PLCB1: variants seen among roughly 807,000 people sequenced by gnomAD.
PLCB1 encodes the protein 1-phosphatidylinositol 4,5-bisphosphate phosphodiesterase beta-1.
A neutral mutation model predicts 161.8 loss-of-function variants in PLCB1; 46 were observed. That is an observed-to-expected ratio of 0.28 (90% CI 0.22 to 0.36). The LOEUF (loss-of-function observed/expected upper bound fraction) is 0.36, where lower values mean the gene tolerates loss of function less well. PLCB1 is among the 10% of genes least tolerant of loss of function. The pLI is 1.00. For missense variants in PLCB1, 1,016 were observed against 1,472.5 expected, an observed-to-expected ratio of 0.69 and a Z score of 5.07; for synonymous variants, 517 against 503.7, an observed-to-expected ratio of 1.03 and a Z score of -0.35.
chr20:8,161,347 C>T (rs1041675887), intron 2 of PLCB1, among the ~76,000 whole-genome samples: 15 of 152,218 alleles, frequency 9.9e-5, no homozygotes, highest in East Asian at 9.7e-4. Context: ...TATGCAATTT[C>T]GTCATTTCCA....
At chr20:8,294,742 A>T (rs1343107511) in intron 2 of PLCB1, among the ~76,000 whole-genome samples, 5 of 151,628 alleles carry the variant, frequency 3.3e-5, no homozygotes, top group Non-Finnish European at 7.4e-5. Context: ...AATCCTGTAC[A>T]ATTAGACATT....
At chr20:8,234,296 G>C (rs1325792125) in intron 2 of PLCB1, among the ~76,000 whole-genome samples, 1 of 152,070 alleles carries the variant, frequency 6.6e-6, no homozygotes, top group Non-Finnish European at 1.5e-5. Flanking sequence ...GAAGGTTAAA[G>C]TAATAATAAT....
chr20:8,218,917 G>A (rs1380595292), intron 2 of PLCB1, among the ~76,000 whole-genome samples: 1 of 152,116 alleles, frequency 6.6e-6, no homozygotes, highest in Non-Finnish European at 1.5e-5. Flanking sequence ...AGGTGTGTCA[G>A]TGTTTTATTG....
chr20:8,804,638 T>C (rs533607274), intron 31 of PLCB1, among the ~76,000 whole-genome samples: 1 of 152,288 alleles, frequency 6.6e-6, no homozygotes, highest in African/African-American at 2.4e-5. Flanking sequence ...TTCTTGTTCT[T>C]TCCTTAAACA....
chr20:8,683,277 GA>G (rs1290067202), intron 9 of PLCB1, among the ~76,000 whole-genome samples: 2 of 151,854 alleles, frequency 1.3e-5, no homozygotes, highest in African/African-American at 4.8e-5. Context: ...AGTTATCTCT[GA>G]AAGAAAAGTT....
At chr20:8,689,454 C>T (rs1368933997) in intron 10 of PLCB1, among the ~76,000 whole-genome samples, 1 of 152,062 alleles carries the variant, frequency 6.6e-6, no homozygotes, top group Non-Finnish European at 1.5e-5. Context: ...AGCTTTTCCC[C>T]ATTCAGTATT....
At chr20:8,446,295 C>G (rs1403010623) in intron 3 of PLCB1, among the ~76,000 whole-genome samples, 2 of 152,062 alleles carry the variant, frequency 1.3e-5, no homozygotes, top group Non-Finnish European at 2.9e-5. Context: ...TAAACAGAAC[C>G]AAAGACAAAA....
chr20:8,672,077 G>T (rs545440597), intron 9 of PLCB1, among the ~76,000 whole-genome samples: 148 of 152,292 alleles, frequency 9.7e-4, no homozygotes, highest in Middle Eastern at 3.4e-3. Flanking sequence ...AAGCAGCATA[G>T]CATCATGTTT....
intron 2 of PLCB1, among the ~76,000 whole-genome samples, chr20:8,337,423 G>GT (rs1392410265): frequency 1.3e-5 from 2 of 152,062 alleles, no homozygotes; most frequent in Admixed American, 6.5e-5. Context: ...CAAAATGTGA[G>GT]TTTTTATTTT....
At chr20:8,345,698 G>A (rs951306580) in intron 2 of PLCB1, among the ~76,000 whole-genome samples, 1 of 152,182 alleles carries the variant, frequency 6.6e-6, no homozygotes, top group African/African-American at 2.4e-5. Context: ...AGGGCAAGGT[G>A]GAGGCAATGG....
intron 2 of PLCB1, among the ~76,000 whole-genome samples, chr20:8,258,402 A>G (rs1289470731): frequency 6.6e-6 from 1 of 152,132 alleles, no homozygotes; most frequent in African/African-American, 2.4e-5. Context: ...AATCTTTACT[A>G]CTAACTTCTT....
At chr20:8,770,788 G>A (rs1020557622) in intron 26 of PLCB1, among the ~76,000 whole-genome samples, 5 of 152,206 alleles carry the variant, frequency 3.3e-5, no homozygotes, top group African/African-American at 1.2e-4. Context: ...ATCTCAGTGA[G>A]CAGAGGCATG....
At chr20:8,530,647 A>G (rs995985519) in intron 3 of PLCB1, among the ~76,000 whole-genome samples, 4 of 152,100 alleles carry the variant, frequency 2.6e-5, no homozygotes, top group African/African-American at 9.6e-5. Context: ...GTACTTCGAC[A>G]TGTATATTCT....
chr20:8,337,143 GA>G (rs1216568452), intron 2 of PLCB1, among the ~76,000 whole-genome samples: 2 of 152,132 alleles, frequency 1.3e-5, no homozygotes, highest in African/African-American at 4.8e-5. Context: ...CAACTTATGT[GA>G]TAAACATTGC....
intron 3 of PLCB1, among the ~76,000 whole-genome samples, chr20:8,382,274 T>C (rs891130151): frequency 2.1e-5 from 3 of 145,740 alleles, no homozygotes; most frequent in African/African-American, 7.6e-5. Context: ...TTTGAGTGAG[T>C]TTCTTTTTCT....
At chr20:8,550,964 T>C (rs1244866525) in intron 3 of PLCB1, among the ~76,000 whole-genome samples, 1 of 152,204 alleles carries the variant, frequency 6.6e-6, no homozygotes, top group Non-Finnish European at 1.5e-5. Flanking sequence ...ATTTAGATTC[T>C]ATAACAGGAA....
At chr20:8,307,939 C>A (rs111480440) in intron 2 of PLCB1, among the ~76,000 whole-genome samples, 2,191 of 151,912 alleles carry the variant, frequency 0.014, 62 homozygotes, top group African/African-American at 0.048. Flanking sequence ...AACAAACAAA[C>A]AAACAAAACA....
intron 2 of PLCB1, among the ~76,000 whole-genome samples, chr20:8,251,347 A>C (rs1471930806): frequency 6.6e-6 from 1 of 151,962 alleles, no homozygotes; most frequent in Non-Finnish European, 1.5e-5. Flanking sequence ...TGCAGTCCTC[A>C]AGGAGAAAAG....
intron 3 of PLCB1, chr20:8,372,141 T>A (rs1986922486): frequency 6.6e-6 from 1 of 152,242 alleles, no homozygotes; most frequent in Admixed American, 6.5e-5. Context: ...TTATTTAAAA[T>A]TTAGTACTTT....
Sources: allele counts gnomAD v4.1 joint callset (sites outside exome capture counted in the v4.1 genomes callset), GRCh38; gene constraint gnomAD v4.1.1; transcripts MANE v1.5; gene names NCBI Gene and HGNC (gene_info 2026-07-23, HGNC 2026-07-21).